Variants in GRAMD2B observed in about 807,000 individuals in gnomAD.
GRAMD2B encodes GRAM domain containing 2B.
GRAMD2B carries 41 observed loss-of-function variants against 59.2 expected under a neutral mutation model. The observed-to-expected ratio is 0.69, with a 90% CI of 0.54 to 0.90. The LOEUF is 0.90. Among genes scored for constraint, GRAMD2B ranks in the 40% least tolerant of loss-of-function variants. GRAMD2B has a pLI of 0.00. For missense variants in GRAMD2B, 424 were observed against 500.5 expected, an observed-to-expected ratio of 0.85 and a Z score of 1.46; for synonymous variants, 161 against 182.7, an observed-to-expected ratio of 0.88 and a Z score of 0.96.
intron 5 of GRAMD2B, among the ~76,000 whole-genome samples, chr5:126,475,521 G>A (rs1561585414): frequency 1.3e-5 from 2 of 152,184 alleles, no homozygotes; most frequent in African/African-American, 2.4e-5. Flanking sequence ...GAAAAATGTT[G>A]TGAGTAGAGT....
chr5:126,476,692 T>C (rs1770691564), intron 5 of GRAMD2B, among the ~76,000 whole-genome samples: 2 of 152,234 alleles, frequency 1.3e-5, no homozygotes, highest in South Asian at 4.1e-4. Flanking sequence ...TGATCATAAT[T>C]AAATTAAATT....
At chr5:126,360,331 G>C in exon 1 of GRAMD2B, 1 of 1,551,178 alleles carries the variant, frequency 6.4e-7, no homozygotes. Context: ...GCCTCTAGAA[G>C]ATGACAAGGA....
At chr5:126,365,382 C>G in intron 1 of GRAMD2B, among the ~76,000 whole-genome samples, 1 of 152,206 alleles carries the variant, frequency 6.6e-6, no homozygotes. Flanking sequence ...AAATAATTAT[C>G]AATTTGCATA....
chr5:126,405,292 T>C (rs1282143485), intron 1 of GRAMD2B, among the ~76,000 whole-genome samples: 1 of 151,904 alleles, frequency 6.6e-6, no homozygotes, highest in Non-Finnish European at 1.5e-5. Flanking sequence ...TCCCTTTGGC[T>C]CTTTTAAGTA....
At chr5:126,400,391 T>C (rs1166747042) in intron 1 of GRAMD2B, among the ~76,000 whole-genome samples, 2 of 152,178 alleles carry the variant, frequency 1.3e-5, no homozygotes, top group Non-Finnish European at 2.9e-5. Flanking sequence ...ACAATTTATA[T>C]CTATTAATAT....
At chr5:126,371,390 T>A in exon 1 of GRAMD2B, 2 of 1,244,168 alleles carry the variant, frequency 1.6e-6, no homozygotes, top group Non-Finnish European at 2.1e-6. Context: ...TTTGGGAGAC[T>A]CAGAAATGAG....
chr5:126,481,970 C>CA (rs34641412), intron 8 of GRAMD2B, among the ~76,000 whole-genome samples: 2,041 of 98,034 alleles, frequency 0.021, 34 homozygotes, highest in African/African-American at 0.063. Flanking sequence ...GACTCCATCT[C>CA]AAAAAAAAAA....
At position 126,374,229 on chromosome 5, in the gene GRAMD2B, T is replaced by A. The variant is rs761330397; in HGVS notation, c.125+2662T>A. Among the ~76,000 whole-genome samples the A allele has an allele frequency of 3.7e-4, 57 of 152,250 alleles. 1 individual carries two copies. The highest frequency in any genetic ancestry group is 4.1e-4 in the South Asian group (2 of 4,834). ...AGTTATTCTGCTGTCTCAGCAACAC[T>A]GGAATTGTCTGATTTTTTTACCTTT... On this transcript the variant is annotated intron_variant, in intron 1 of 8. Transcript: ENST00000506445.
chr5:126,402,931 G>GGGCTGAGATAATTATGTAGAATGTGA (rs2149742123), intron 1 of GRAMD2B, among the ~76,000 whole-genome samples: 1 of 152,004 alleles, frequency 6.6e-6, no homozygotes, highest in African/African-American at 2.4e-5. Context: ...TTTTCCATAG[G>GGGCTGAGATAATTATGTAGAATGTGA]GGCTGAGATA....
Position 126,465,539 on chromosome 5 carries a change from G to T in GRAMD2B, c.197G>T (p.Ser66Ile). ...TCCCCAGACCAGAAGAAAATCATTA[G>T]CCTATGGTAAGTCCTCCGTTGACTC... ...ADSPDQKKII[S>I]LWSKSSFDGA... The change falls in exon 2 of 14, where the codon AGC (serine) becomes ATC (isoleucine). Residue 66 changes from serine (S) to isoleucine (I), a missense_variant. Ser to Ile is a moderately radical substitution (Grantham distance 142). Transcript: ENST00000285689. The T allele has an allele frequency of 6.2e-7, 1 of 1,613,482 alleles. No individual in the cohort carries two copies. Among genetic ancestry groups the T allele is most frequent in the Non-Finnish European group, 8.5e-7 (1 of 1,179,824 alleles).
intron 1 of GRAMD2B, among the ~76,000 whole-genome samples, chr5:126,430,161 A>G (rs554086527): frequency 6.6e-6 from 1 of 152,320 alleles, no homozygotes; most frequent in Non-Finnish European, 1.5e-5. Context: ...TTATCCTTAA[A>G]GAGGAGTGTT....
chr5:126,425,371 T>A (rs933020917), intron 1 of GRAMD2B, among the ~76,000 whole-genome samples: 21 of 152,324 alleles, frequency 1.4e-4, no homozygotes, highest in African/African-American at 4.3e-4. Flanking sequence ...GAAAGATCAT[T>A]TGTGACATGG....
In GRAMD2B at chr5:126,411,841, G is replaced by GGTGTGTGTGTGTGTGTGTGTGTGTGTGT. The variant is rs147604532; in HGVS notation, c.125+40294_125+40295insGTGTGTGTGTGTGTGTGTGTGTGTGTGT. 3.5e-3 allele frequency among the ~76,000 whole-genome samples: 523 copies of GGTGTGTGTGTGTGTGTGTGTGTGTGTGT among 148,834 alleles called. 2 individuals are homozygous for GGTGTGTGTGTGTGTGTGTGTGTGTGTGT. The highest frequency in any genetic ancestry group is 0.01 in the African/African-American group (419 of 40,308). On this transcript the variant is annotated intron_variant, in intron 1 of 8. Coordinates refer to the GRAMD2B transcript ENST00000506445. ...CACCACATTGGTTAGATATATTTCTGGTGTGTGTGTGTGTGTGTGTTTGTG... is the reference window on the plus strand; with the variant it reads ...CACCACATTGGTTAGATATATTTCTGGTGTGTGTGTGTGTGTGTGTGTGTGTGTGTGTGTGTGTGTGTGTGTGTTTGTG...
chr5:126,479,295 C>T (rs1288535158), intron 6 of GRAMD2B, among the ~76,000 whole-genome samples: 2 of 152,118 alleles, frequency 1.3e-5, no homozygotes, highest in South Asian at 2.1e-4. Context: ...TTACCTCAGC[C>T]TCCCAAAGTG....
intron 10 of GRAMD2B, among the ~76,000 whole-genome samples, chr5:126,485,171 T>C (rs1273211114): frequency 6.6e-6 from 1 of 151,880 alleles, no homozygotes; most frequent in Non-Finnish European, 1.5e-5. Flanking sequence ...CTGGGCAACA[T>C]AGTGAGACCC....
At chr5:126,363,529 T>C (rs1033378876) in intron 1 of GRAMD2B, among the ~76,000 whole-genome samples, 4 of 152,190 alleles carry the variant, frequency 2.6e-5, no homozygotes, top group East Asian at 1.9e-4. Flanking sequence ...TTATTTTTAA[T>C]AGCCAAAAAG....
chr5:126,387,754 G>A (rs1042773288), intron 1 of GRAMD2B, among the ~76,000 whole-genome samples: 12 of 152,008 alleles, frequency 7.9e-5, no homozygotes, highest in African/African-American at 2.4e-4. Flanking sequence ...AGAAAGAAGA[G>A]AGAAAAAATC....
Position 126,371,433 on chromosome 5 carries a change from T to C in GRAMD2B, c.-10T>C, listed in dbSNP as rs1409280946. 10 of 1,281,300 alleles carry C rather than the reference T, an allele frequency of 7.8e-6. No homozygotes were observed. In the Middle Eastern group the frequency reaches 6.4e-4, roughly 82 times the overall value. 79.4% of individuals were successfully genotyped at this position (1,281,300 alleles called of 1,614,324 possible). A position where few individuals can be genotyped will look rare whatever the true frequency, so the allele number is the denominator to read the frequency against. On this transcript the variant is annotated 5_prime_UTR_variant, in exon 1 of 9. Coordinates refer to the GRAMD2B transcript ENST00000506445. ...GGTTGTTCCTTGACTTGCGGGTCAA[T>C]AAGCGCACAATGGTGAAGAAAAGGC...
At chr5:126,368,498 C>T (rs1202689301), upstream of GRAMD2B, among the ~76,000 whole-genome samples, 3 of 152,234 alleles carry the variant, frequency 2.0e-5, no homozygotes, top group Non-Finnish European at 4.4e-5. Context: ...ACAGGCAGCT[C>T]ATATCAAGAA....
Sources: gnomAD v4.1 joint callset for allele counts (sites outside exome capture counted in the v4.1 genomes callset) on GRCh38, gnomAD v4.1.1 for gene constraint, MANE v1.5 for transcripts, NCBI Gene and HGNC (gene_info 2026-07-23, HGNC 2026-07-21) for gene names.